Variants in UNC13B observed in about 807,000 individuals in gnomAD.
UNC13B encodes protein unc-13 homolog B.
UNC13B carries 144 observed loss-of-function variants against 211.0 expected under a neutral mutation model. The ratio of observed to expected loss-of-function variants is 0.68; its 90% CI spans 0.60 to 0.78. The LOEUF (loss-of-function observed/expected upper bound fraction) is 0.78, where lower values mean the gene tolerates loss of function less well. UNC13B is among the 30% of genes least tolerant of loss of function. The probability of loss-of-function intolerance (pLI) is 0.00; values close to 1 mark genes in which losing one functional copy is unlikely to be tolerated. For missense variants in UNC13B, 1,777 were observed against 2,002.0 expected (o/e 0.89, Z 2.14); for synonymous variants, 709 against 725.8 (o/e 0.98, Z 0.37).
In UNC13B at chr9:35,361,816, A is replaced by G. The variant is rs141056440; in HGVS notation, c.9415-5131A>G. On this transcript the variant is annotated intron_variant, in intron 11 of 39. Transcript: ENST00000635942. ...CAGACAGAAATTTCACAGAGTCATT[A>G]GTATTTGAACTAAGTCTTAGGGAAT... 2.6e-5 allele frequency: 4 copies of G among 152,308 alleles called. No individual in the cohort carries two copies. The East Asian group carries it at 7.7e-4, about 29-fold the overall frequency. The allele number at this position is 152,308 out of a possible 1,614,324, so 9.4% of individuals were successfully genotyped here.
Position 35,375,350 on chromosome 9 carries a change from G to T in UNC13B, c.9615+149G>T, listed in dbSNP as rs919259934. 149 of 843,882 alleles carry T rather than the reference G, an allele frequency of 1.8e-4. No individual in the cohort carries two copies. The Middle Eastern group carries it at 3.6e-3, about 21-fold the overall frequency. 52.3% of individuals were successfully genotyped at this position (843,882 alleles called of 1,614,324 possible). A position where few individuals can be genotyped will look rare whatever the true frequency, so the allele number is the denominator to read the frequency against. ...AAAAGATAGATAGCATCAGGTGTTA[G>T]TTTTCCACACTGGGAAAGACTCTAA... is the stretch of plus-strand genomic sequence containing the variant. On this transcript the variant is annotated intron_variant, in intron 14 of 39. Transcript: ENST00000635942.
At chr9:35,245,758 C>A (rs1227543784) in intron 6 of UNC13B, among the ~76,000 whole-genome samples, 1 of 152,012 alleles carries the variant, frequency 6.6e-6, no homozygotes, top group Non-Finnish European at 1.5e-5. Flanking sequence ...CATTGTTGGA[C>A]ATTTGGGTTG....
At chr9:35,283,138 A>G (rs1022637569) in intron 7 of UNC13B, among the ~76,000 whole-genome samples, 3 of 152,072 alleles carry the variant, frequency 2.0e-5, no homozygotes, top group Non-Finnish European at 2.9e-5. Context: ...CCCATCCTCT[A>G]TTACACAGTA....
chr9:35,191,021 G>A (rs1004999842), intron 1 of UNC13B, among the ~76,000 whole-genome samples: 9 of 151,988 alleles, frequency 5.9e-5, no homozygotes, highest in African/African-American at 1.7e-4. Context: ...GTGCAGTGGC[G>A]CCATCTCAGC....
intron 36 of UNC13B, among the ~76,000 whole-genome samples, chr9:35,399,990 A>T (rs1564200812): frequency 6.6e-6 from 1 of 152,100 alleles, no homozygotes; most frequent in Non-Finnish European, 1.5e-5. Flanking sequence ...CAAGTTCTCT[A>T]AGGTTCAGAT....
intron 1 of UNC13B, among the ~76,000 whole-genome samples, chr9:35,202,402 C>G (rs1823360882): frequency 6.6e-6 from 1 of 152,056 alleles, no homozygotes; most frequent in Non-Finnish European, 1.5e-5. Context: ...CCTGGATATC[C>G]TTGTTAACTT....
At chr9:35,398,360 C>G (rs1328355133) in intron 31 of UNC13B, 72 bp downstream of exon 31, 3 of 1,517,162 alleles carry the variant, frequency 2.0e-6, no homozygotes, top group Non-Finnish European at 1.8e-6. Context: ...GAACTCCACC[C>G]TCTCTTAACT....
At chr9:35,366,845 A>T in intron 11 of UNC13B, 102 bp from the exon 12 acceptor site, 1 of 990,882 alleles carries the variant, frequency 1.0e-6, no homozygotes, top group Non-Finnish European at 1.6e-6. Context: ...GGTGAATGTG[A>T]CTTACACTGC....
rs1829771824 is a variant in UNC13B at position 35,303,250 on chromosome 9, G to A, written c.3846G>A (p.Lys1282=). Reference sequence around the variant, plus strand: ...CAGAGAAAAACCAGCAAAGTGAAAAGCATCACCCCTCCTCTGAGAACATTG... The same window carrying A: ...CAGAGAAAAACCAGCAAAGTGAAAAACATCACCCCTCCTCTGAGAACATTG... The part of the protein sequence containing the change: ...SPTEKNQQSE[K]HHPSSENIVL... The change falls in exon 9 of 40, where the codon AAG becomes AAA. Residue 1282 remains lysine (K), a synonymous_variant. Transcript: ENST00000635942. 1 of 398,448 alleles carries A rather than the reference G, an allele frequency of 2.5e-6. No individual in the cohort carries two copies. Among genetic ancestry groups the A allele is most frequent in the Non-Finnish European group, 4.4e-6 (1 of 225,812 alleles). 24.7% of individuals were successfully genotyped at this position (398,448 alleles called of 1,614,324 possible).
At chr9:35,173,527 G>A (rs931063498) in intron 1 of UNC13B, among the ~76,000 whole-genome samples, 5 of 151,770 alleles carry the variant, frequency 3.3e-5, no homozygotes, top group African/African-American at 7.2e-5. Flanking sequence ...TGGTTCAAGC[G>A]ATTCTTGTGC....
intron 37 of UNC13B, among the ~76,000 whole-genome samples, chr9:35,402,370 C>T (rs547212621): frequency 6.6e-6 from 1 of 151,934 alleles, no homozygotes; most frequent in South Asian, 2.1e-4. Context: ...CAAGCTCCGC[C>T]TCCCAGGTTC....
chr9:35,236,121 T>C (rs1226005078), intron 3 of UNC13B, among the ~76,000 whole-genome samples: 3 of 152,170 alleles, frequency 2.0e-5, no homozygotes, highest in African/African-American at 7.2e-5. Flanking sequence ...CTCTAAAAGT[T>C]TACTTGTGTC....
intron 26 of UNC13B, 141 bp downstream of exon 26, chr9:35,390,855 T>G: frequency 1.2e-6 from 1 of 851,916 alleles, no homozygotes; most frequent in South Asian, 2.0e-5. Context: ...CCTAGTGGGA[T>G]GTAGGCCCCG....
intron 11 of UNC13B, among the ~76,000 whole-genome samples, chr9:35,326,846 A>T (rs1022212776): frequency 6.6e-6 from 1 of 152,260 alleles, no homozygotes; most frequent in Non-Finnish European, 1.5e-5. Flanking sequence ...AAAGCAAAAC[A>T]GTGGCTAAGG....
intron 7 of UNC13B, among the ~76,000 whole-genome samples, chr9:35,288,523 A>G (rs1324877032): frequency 6.6e-6 from 1 of 152,158 alleles, no homozygotes; most frequent in Admixed American, 6.5e-5. Context: ...AGCAAAACCT[A>G]ACTATCCTCA....
intron 3 of UNC13B, among the ~76,000 whole-genome samples, chr9:35,235,732 C>A (rs1314885242): frequency 6.6e-6 from 1 of 152,202 alleles, no homozygotes; most frequent in African/African-American, 2.4e-5. Context: ...CATGCCCAGC[C>A]TGATAAATCT....
At chr9:35,346,278 T>A (rs1832352008) in intron 11 of UNC13B, among the ~76,000 whole-genome samples, 1 of 152,178 alleles carries the variant, frequency 6.6e-6, no homozygotes, top group Non-Finnish European at 1.5e-5. Context: ...ACTGGGAAGC[T>A]GCTTGATATA....
rs944527947 is a variant in UNC13B, at chr9:35,379,334, G to C, written c.10205+898G>C. 4.6e-5 allele frequency among the ~76,000 whole-genome samples: 7 copies of C among 152,064 alleles called. No homozygotes were observed. The South Asian group carries it at 1.0e-3, about 23-fold the overall frequency. ...ATGGTGGCAGGTGCCTGTAGTCCCA[G>C]CTTACTCGGGAGGCTGAGGGAAGAG... is the stretch of plus-strand genomic sequence containing the variant. On this transcript the variant is annotated intron_variant, in intron 17 of 39. Transcript: ENST00000635942.
chr9:35,243,161 C>A, intron 5 of UNC13B, 130 bp from the exon 6 acceptor site: 1 of 802,972 alleles, frequency 1.2e-6, no homozygotes, highest in East Asian at 2.5e-5. Flanking sequence ...AGAACCAAAC[C>A]ATCAGTTAAA....
Sources: allele counts gnomAD v4.1 joint callset (sites outside exome capture counted in the v4.1 genomes callset), GRCh38; gene constraint gnomAD v4.1.1; transcripts MANE v1.5; gene names NCBI Gene and HGNC (gene_info 2026-07-23, HGNC 2026-07-21).